HHIPL1: variants seen among roughly 807,000 people sequenced by gnomAD.
HHIPL1 encodes HHIP like 1.
Under a neutral mutation model 61.8 loss-of-function variants are expected in HHIPL1, and 43 were observed. That is an observed-to-expected ratio of 0.70 (90% confidence interval 0.55 to 0.90). The LOEUF (loss-of-function observed/expected upper bound fraction) is 0.90. HHIPL1 is among the 40% of genes least tolerant of loss of function. The pLI is 0.00. For missense variants in HHIPL1, 1,056 were observed against 1,157.7 expected, an observed-to-expected ratio of 0.91 and a Z score of 1.28; for synonymous variants, 482 against 515.8, an observed-to-expected ratio of 0.93 and a Z score of 0.89.
At position 99,657,003 on chromosome 14, in the gene HHIPL1, A is replaced by T. The variant is rs2056057124; in HGVS notation, c.906A>T (p.Ile302=). 2 of 1,604,478 alleles carry T rather than the reference A, an allele frequency of 1.2e-6. No homozygotes were observed. Among genetic ancestry groups the T allele is most frequent in the Non-Finnish European group, 1.7e-6 (2 of 1,175,410 alleles). ...ENAVDHSSER[I]ILEVKEPASN... ...AGGGGCCCTTATCTTCCTTTAGGAT[A>T]ATCCTGGAGGTCAAAGAACCAGCCT... Residue 302 remains isoleucine, a synonymous_variant, in exon 3 of 9, where the codon ATA becomes ATT. Coordinates refer to ENST00000330710, the MANE Select transcript of HHIPL1 (RefSeq NM_001127258.3).
intron 3 of HHIPL1, 103 bp from the exon 4 acceptor site, chr14:99,659,325 C>A: frequency 1.1e-6 from 1 of 919,756 alleles, no homozygotes; most frequent in South Asian, 2.1e-5. Flanking sequence ...TCACCCTGCA[C>A]CTGGCTCAGC....
At chr14:99,652,199 C>A in intron 1 of HHIPL1, 25 bp from the exon 2 acceptor site, 2 of 1,562,412 alleles carry the variant, frequency 1.3e-6, no homozygotes, top group Non-Finnish European at 1.7e-6. Context: ...CACAAAACAT[C>A]TCTGAGCCAT....
chr14:99,637,433 G>A, the HHIPL1 span, among the ~76,000 whole-genome samples: 1 of 151,974 alleles, frequency 6.6e-6, no homozygotes, highest in East Asian at 1.9e-4. Context: ...TCAGCTGGGC[G>A]TGATGGCGGG....
the HHIPL1 span, among the ~76,000 whole-genome samples, chr14:99,634,371 G>T: frequency 2.0e-5 from 3 of 152,186 alleles, no homozygotes; most frequent in Non-Finnish European, 2.9e-5. Flanking sequence ...TCATTTAGTT[G>T]TAGAGCTAGA....
chr14:99,615,672 AAAG>A, the HHIPL1 span, among the ~76,000 whole-genome samples: 3 of 150,842 alleles, frequency 2.0e-5, no homozygotes, highest in African/African-American at 4.8e-5. Flanking sequence ...AAAGAAAAAG[AAAG>A]AAGGAAGGAA....
chr14:99,665,715 T>C (rs2056233773), intron 6 of HHIPL1, among the ~76,000 whole-genome samples: 1 of 152,250 alleles, frequency 6.6e-6, no homozygotes, highest in Admixed American at 6.5e-5. Context: ...ATTACAGGCA[T>C]GAGCCACCAT....
chr14:99,630,902 G>C, the HHIPL1 span, among the ~76,000 whole-genome samples: 28,997 of 151,994 alleles, frequency 0.19, 3,165 homozygotes, highest in Admixed American at 0.33. Flanking sequence ...AGCATCACTG[G>C]ATCTCCGCTT....
chr14:99,680,297 A>G lies in HHIPL1; in HGVS notation c.*4671A>G, dbSNP rs2056427735. On this transcript the variant is annotated 3_prime_UTR_variant, in exon 9 of 9. Coordinates refer to ENST00000330710, the MANE Select transcript of HHIPL1 (RefSeq NM_001127258.3). ...GGGAAACCACTCCTCGTATGGTGTC[A>G]TCTACACCAGTGGGTTTCAAGCTTG... The G allele has an allele frequency of 6.6e-6, 1 of 152,190 alleles. No individual in the cohort carries two copies. Among genetic ancestry groups the G allele is most frequent in the South Asian group, 2.1e-4 (1 of 4,830 alleles). 9.4% of individuals were successfully genotyped at this position (152,190 alleles called of 1,614,324 possible).
At chr14:99,633,385 C>A in the HHIPL1 span, among the ~76,000 whole-genome samples, 1 of 152,208 alleles carries the variant, frequency 6.6e-6, no homozygotes, top group South Asian at 2.1e-4. Flanking sequence ...TGATGCCTGG[C>A]AGACCCCCAC....
At chr14:99,646,064 G>A (rs1010166617) in intron 1 of HHIPL1, among the ~76,000 whole-genome samples, 2 of 152,274 alleles carry the variant, frequency 1.3e-5, no homozygotes, top group African/African-American at 4.8e-5. Flanking sequence ...GCCTGCAGAA[G>A]CTCTCTCAAG....
In HHIPL1 at chr14:99,660,969, C is replaced by A. The variant is rs114505767; in HGVS notation, c.1502+563C>A. On this transcript the variant is annotated intron_variant, in intron 5 of 8. Coordinates refer to ENST00000330710, the MANE Select transcript of HHIPL1 (RefSeq NM_001127258.3). The surrounding 1 kb of genome is among the most constrained non-coding windows in gnomAD (Gnocchi z 4.9). ...AGGTGGGGCTCTTGTGGCCTTGGAG[C>A]CTTGCTGCCCTGCCCCCGTGCTCTA... Among the ~76,000 whole-genome samples, 3,708 of 152,252 alleles carry A rather than the reference C, an allele frequency of 0.024. 148 individuals carry two copies. Among genetic ancestry groups the A allele is most frequent in the African/African-American group, 0.084 (3,488 of 41,536 alleles).
At chr14:99,633,394 A>G in the HHIPL1 span, among the ~76,000 whole-genome samples, 2 of 152,202 alleles carry the variant, frequency 1.3e-5, no homozygotes, top group African/African-American at 4.8e-5. Context: ...GCAGACCCCC[A>G]CAGAGGAACT....
At chr14:99,619,545 T>C in the HHIPL1 span, among the ~76,000 whole-genome samples, 2 of 151,940 alleles carry the variant, frequency 1.3e-5, no homozygotes, top group Admixed American at 1.3e-4. Flanking sequence ...ACCTGCGTGA[T>C]GATAAGACTC....
chr14:99,646,837 A>ATATG (rs1566804853), intron 1 of HHIPL1, among the ~76,000 whole-genome samples: 40 of 79,018 alleles, frequency 5.1e-4, no homozygotes, highest in African/African-American at 1.9e-3. Context: ...GATATGATAT[A>ATATG]ATATAATATA....
rs1037338644 is a variant in HHIPL1, at chr14:99,657,102, G to A, written c.1005G>A (p.Met335Ile). ...ACATCTTCACTGGAGATGGCGGGAT[G>A]GCCGGAGACCCCTTTGGGACATTTG... ...YLYIFTGDGGMAGDPFGTFGN... is the reference protein window; with the variant it reads ...YLYIFTGDGGIAGDPFGTFGN... The change falls in exon 3 of 9, where the codon ATG becomes ATA. Residue 335 changes from methionine to isoleucine, a missense_variant. Coordinates refer to ENST00000330710, the MANE Select transcript of HHIPL1 (RefSeq NM_001127258.3). The A allele has an allele frequency of 2.5e-6, 4 of 1,613,270 alleles. No homozygotes were observed. In the African/African-American group the frequency reaches 5.3e-5, roughly 22 times the overall value.
At chr14:99,635,021 G>T in the HHIPL1 span, among the ~76,000 whole-genome samples, 2 of 152,162 alleles carry the variant, frequency 1.3e-5, no homozygotes, top group Non-Finnish European at 2.9e-5. Context: ...TCCCCTCCGA[G>T]GGGCAAGTTT....
chr14:99,630,262 C>T, the HHIPL1 span, among the ~76,000 whole-genome samples: 11 of 152,222 alleles, frequency 7.2e-5, no homozygotes, highest in African/African-American at 2.7e-4. Context: ...CCTGCCCCAT[C>T]GCACACCGGG....
chr14:99,664,249 C>T (rs1351223837), intron 6 of HHIPL1, among the ~76,000 whole-genome samples: 2 of 152,200 alleles, frequency 1.3e-5, no homozygotes. Context: ...GGCTCAGTGC[C>T]CAGAGCCCCC....
At position 99,646,048 on chromosome 14, in the gene HHIPL1, G is replaced by A. The variant is rs1385045748; in HGVS notation, c.255+586G>A. Among the ~76,000 whole-genome samples, 9 of 152,240 alleles carry A rather than the reference G, an allele frequency of 5.9e-5. No individual in the cohort carries two copies. The South Asian group carries it at 6.2e-4, about 10-fold the overall frequency. The stretch of plus-strand genomic sequence containing the variant: ...TGCTGTGCCCTCTCCTGGGGATGGC[G>A]CCCTGGCCTGCAGAAGCTCTCTCAA... On this transcript the variant is annotated intron_variant, in intron 1 of 8. Transcript: ENST00000330710.
Sources: gnomAD v4.1 joint callset for allele counts (sites outside exome capture counted in the v4.1 genomes callset) on GRCh38, gnomAD v4.1.1 for gene constraint, Gnocchi (gnomAD v3.1) non-coding constraint, MANE v1.5 for transcripts, NCBI Gene and HGNC (gene_info 2026-07-23, HGNC 2026-07-21) for gene names.